The following PCDH15 variants were observed in gnomAD, a reference collection of about 807,000 sequenced individuals.
PCDH15 encodes protocadherin related 15.
A neutral mutation model predicts 178.5 loss-of-function variants in PCDH15; 129 were observed. The ratio of observed to expected loss-of-function variants is 0.72; its 90% CI spans 0.63 to 0.84. PCDH15 has a LOEUF of 0.84. Ranked by LOEUF, PCDH15 falls within the 40% of genes least tolerant of loss-of-function variation. PCDH15 has a pLI of 0.00. For missense variants in PCDH15, 2,230 were observed against 2,099.9 expected (o/e 1.06, Z -1.21); for synonymous variants, 800 against 732.0 (o/e 1.09, Z -1.50).
intron 2 of PCDH15, among the ~76,000 whole-genome samples, chr10:54,974,602 A>G (rs1237794860): frequency 6.6e-6 from 1 of 151,968 alleles, no homozygotes; most frequent in Non-Finnish European, 1.5e-5. Context: ...CTTTCTTAAC[A>G]TTGAAATTCC....
At chr10:55,538,395 TTTC>T (rs1554794185) in intron 2 of PCDH15, among the ~76,000 whole-genome samples, 2 of 134,268 alleles carry the variant, frequency 1.5e-5, no homozygotes, top group Non-Finnish European at 3.2e-5. Flanking sequence ...CCTTCCTTCC[TTTC>T]TTCCTTCCTT....
At chr10:54,049,662 C>A (rs1457346379) in intron 18 of PCDH15, among the ~76,000 whole-genome samples, 2 of 151,850 alleles carry the variant, frequency 1.3e-5, no homozygotes, top group Non-Finnish European at 2.9e-5. Flanking sequence ...GCTCTGTCAC[C>A]CAGGCTGGCA....
At chr10:54,754,798 T>G (rs1034079069) in intron 1 of PCDH15, among the ~76,000 whole-genome samples, 13 of 152,122 alleles carry the variant, frequency 8.5e-5, no homozygotes, top group African/African-American at 2.9e-4. Flanking sequence ...CACAAAACAA[T>G]TGATTATAAA....
At chr10:54,600,110 A>C in intron 2 of PCDH15, 3 of 915,066 alleles carry the variant, frequency 3.3e-6, no homozygotes, top group Non-Finnish European at 5.2e-6. Flanking sequence ...AAGGAAGAGA[A>C]ACCAATGGAT....
At chr10:54,902,480 C>A (rs1366642945) in intron 2 of PCDH15, among the ~76,000 whole-genome samples, 3 of 152,114 alleles carry the variant, frequency 2.0e-5, no homozygotes, top group African/African-American at 7.2e-5. Context: ...TCTTCTGTCA[C>A]CATATTAAGA....
chr10:54,616,555 T>G (rs2093162801), intron 2 of PCDH15, among the ~76,000 whole-genome samples: 2 of 152,116 alleles, frequency 1.3e-5, no homozygotes, highest in South Asian at 4.1e-4. Context: ...CCTTTCCAGA[T>G]ACAGAATCAA....
intron 18 of PCDH15, among the ~76,000 whole-genome samples, chr10:54,027,188 C>T (rs1221233114): frequency 6.7e-6 from 1 of 148,280 alleles, no homozygotes; most frequent in Non-Finnish European, 1.5e-5. Context: ...CTCCCATTCA[C>T]AATTGCTTCA....
rs76812710 is a variant in PCDH15 at position 54,605,309 on chromosome 10, T to C, written c.91+58863A>G. On this transcript the variant is annotated intron_variant, in intron 2 of 37. Coordinates refer to ENST00000644397, the MANE Select transcript of PCDH15 (RefSeq NM_001384140.1). ...TCAACTTAAAGTACTCCCTTTAGCATTTTTTATATGACAAGTCTAGTGGCA... is the reference window on the plus strand; with the variant it reads ...TCAACTTAAAGTACTCCCTTTAGCACTTTTTATATGACAAGTCTAGTGGCA... Among the ~76,000 whole-genome samples, 1,242 of 152,180 alleles carry C rather than the reference T, an allele frequency of 8.2e-3. 48 individuals carry two copies. The highest frequency in any genetic ancestry group is 0.055 in the Admixed American group (845 of 15,240).
chr10:54,386,568 T>C (rs1413089075), intron 3 of PCDH15, among the ~76,000 whole-genome samples: 1 of 152,188 alleles, frequency 6.6e-6, no homozygotes, highest in East Asian at 1.9e-4. Flanking sequence ...TTTCCCACTA[T>C]AAACATTCAT....
Position 54,153,253 on chromosome 10 carries a change from A to C in PCDH15, c.1631T>G (p.Ile544Ser), listed in dbSNP as rs886047066. 14 of 1,613,572 alleles carry C rather than the reference A, an allele frequency of 8.7e-6. No homozygotes were observed. The highest frequency in any genetic ancestry group is 1.6e-4 in the Middle Eastern group (1 of 6,080). ...AGCCCCAACAAGGATTTCATATGTG[A>C]TCTCCCCATTTGACCCTTCGTCTGC... ...VDADEGSNGE[I>S]TYEILVGAQG... The change falls in exon 14 of 38, where the codon ATC (isoleucine) becomes AGC (serine). Residue 544 changes from isoleucine (I) to serine (S), a missense_variant. Coordinates refer to ENST00000644397, the MANE Select transcript of PCDH15 (RefSeq NM_001384140.1).
intron 1 of PCDH15, among the ~76,000 whole-genome samples, chr10:55,180,460 A>T (rs932361033): frequency 6.6e-6 from 1 of 152,106 alleles, no homozygotes; most frequent in African/African-American, 2.4e-5. Context: ...GTAAAAGGGG[A>T]AATAGTTAAG....
chr10:54,867,188 GA>G (rs1326940504), intron 3 of PCDH15, among the ~76,000 whole-genome samples: 1 of 152,158 alleles, frequency 6.6e-6, no homozygotes, highest in Non-Finnish European at 1.5e-5. Flanking sequence ...GTTTGGGAAT[GA>G]GAATAAACAG....
chr10:54,164,786 T>G (rs1403382055), intron 13 of PCDH15, among the ~76,000 whole-genome samples: 1 of 152,070 alleles, frequency 6.6e-6, no homozygotes, highest in Non-Finnish European at 1.5e-5. Context: ...ACATAATGAG[T>G]GCAGATGACT....
rs1014940021 is a variant in PCDH15, at chr10:54,185,056, A to G, written c.1440+78T>C. On this transcript the variant is annotated intron_variant, in intron 12 of 37. Transcript: ENST00000644397. ...CATTGATTTTTTCAGTTTTAACCAG[A>G]CATCTCTTTCAGTTCCATACAAACA... 4.0e-5 allele frequency: 61 copies of G among 1,537,692 alleles called. 1 individual carries two copies. The South Asian group carries it at 6.8e-4, about 17-fold the overall frequency.
At position 55,128,852 on chromosome 10, in the gene PCDH15, G is replaced by C. The variant is rs183325615; in HGVS notation, c.-80+37724C>G. On this transcript the variant is annotated intron_variant, in intron 2 of 5. Coordinates refer to the PCDH15 transcript ENST00000458638. ...TTTCAAGAATTTTGAAGTATTTGAG[G>C]CTTAACGCTACTTGCAAGCATCAAG... is the stretch of plus-strand genomic sequence containing the variant. Among the ~76,000 whole-genome samples the C allele has an allele frequency of 2.0e-4, 30 of 152,186 alleles. No homozygotes were observed. The East Asian group carries it at 5.6e-3, about 28-fold the overall frequency.
chr10:55,312,926 GA>G (rs1843625015), intron 1 of PCDH15, among the ~76,000 whole-genome samples: 1 of 152,082 alleles, frequency 6.6e-6, no homozygotes, highest in Non-Finnish European at 1.5e-5. Flanking sequence ...CAGGAATAGA[GA>G]TATTTAAAGG....
chr10:54,972,848 C>CAAAAAAAAAA (rs750356955), intron 2 of PCDH15, among the ~76,000 whole-genome samples: 4 of 53,520 alleles, frequency 7.5e-5, no homozygotes, highest in Non-Finnish European at 1.0e-4. Flanking sequence ...GACTCCATCT[C>CAAAAAAAAAA]AAAAAAAAAA....
chr10:55,271,775 T>C (rs1842451020), intron 1 of PCDH15, among the ~76,000 whole-genome samples: 1 of 152,064 alleles, frequency 6.6e-6, no homozygotes, highest in Non-Finnish European at 1.5e-5. Context: ...TTTCTAAAGC[T>C]CAGACCTCCC....
chr10:55,136,350 T>A (rs1312246579), intron 2 of PCDH15, among the ~76,000 whole-genome samples: 1 of 152,006 alleles, frequency 6.6e-6, no homozygotes. Context: ...AAATATATAT[T>A]TTTTTATTTT....
Sources: allele counts gnomAD v4.1 joint callset (sites outside exome capture counted in the v4.1 genomes callset), GRCh38; gene constraint gnomAD v4.1.1; transcripts MANE v1.5; gene names NCBI Gene and HGNC (gene_info 2026-07-23, HGNC 2026-07-21).